Variants in KCNMB2 observed in about 807,000 individuals in gnomAD.
KCNMB2 encodes calcium-activated potassium channel subunit beta-2.
In KCNMB2, 9 loss-of-function variants were observed where a neutral mutation model predicts 24.5. The observed-to-expected ratio is 0.37, with a 90% confidence interval of 0.22 to 0.64. KCNMB2 has a LOEUF of 0.64. Ranked by LOEUF, KCNMB2 falls within the 30% of genes least tolerant of loss-of-function variation. The probability of loss-of-function intolerance (pLI) is 0.63; values close to 1 mark genes in which losing one functional copy is unlikely to be tolerated. For missense variants in KCNMB2, 226 were observed against 284.3 expected (o/e 0.79, Z 1.47); for synonymous variants, 109 against 104.4 (o/e 1.04, Z -0.27).
chr3:178,805,695 C>G (rs959324588), intron 1 of KCNMB2, among the ~76,000 whole-genome samples: 4 of 151,936 alleles, frequency 2.6e-5, no homozygotes, highest in African/African-American at 9.7e-5. Context: ...AGTGACACAA[C>G]CACGGCTCAC....
At chr3:178,546,340 A>C (rs2108450314) in intron 1 of KCNMB2, among the ~76,000 whole-genome samples, 1 of 152,378 alleles carries the variant, frequency 6.6e-6, no homozygotes, top group South Asian at 2.1e-4. Flanking sequence ...GCTCTGATTT[A>C]CATGCCTAAA....
intron 1 of KCNMB2, among the ~76,000 whole-genome samples, chr3:178,735,301 G>A (rs1723281165): frequency 6.6e-6 from 1 of 151,882 alleles, no homozygotes; most frequent in African/African-American, 2.4e-5. Context: ...CTGGATCACA[G>A]TTCTCAAAAC....
At chr3:178,578,586 A>T (rs1420896252) in intron 1 of KCNMB2, among the ~76,000 whole-genome samples, 1 of 152,200 alleles carries the variant, frequency 6.6e-6, no homozygotes, top group Non-Finnish European at 1.5e-5. Context: ...AGACTGGCAA[A>T]TTGGATAAAA....
In KCNMB2 at chr3:178,793,777, G is replaced by A. The variant is rs1381910728; in HGVS notation, c.-67-13566G>A. ...CTACCTCATCTCTGAACACCAGCAG[G>A]TGACTCTTCCCATGCAGATGACAGC... On this transcript the variant is annotated intron_variant, in intron 1 of 4. Transcript: ENST00000452583. Among the ~76,000 whole-genome samples the A allele has an allele frequency of 2.0e-5, 3 of 152,262 alleles. No homozygotes were observed. The East Asian group carries it at 5.8e-4, about 29-fold the overall frequency.
intron 1 of KCNMB2, among the ~76,000 whole-genome samples, chr3:178,606,955 C>T (rs1185932831): frequency 6.6e-6 from 1 of 152,184 alleles, no homozygotes; most frequent in Non-Finnish European, 1.5e-5. Flanking sequence ...TAAGTAGTCC[C>T]TCACTAGACA....
At chr3:178,647,991 T>C (rs35178968) in intron 1 of KCNMB2, among the ~76,000 whole-genome samples, 1 of 152,002 alleles carries the variant, frequency 6.6e-6, no homozygotes, top group Non-Finnish European at 1.5e-5. Context: ...GTACATATTG[T>C]CTTTTCTTTT....
intron 1 of KCNMB2, among the ~76,000 whole-genome samples, chr3:178,609,518 C>T (rs767652937): frequency 2.6e-5 from 4 of 152,018 alleles, no homozygotes; most frequent in Non-Finnish European, 5.9e-5. Context: ...CTTTGGTTGC[C>T]TGTGCTTGTA....
At chr3:178,764,845 G>A (rs1712050513) in intron 1 of KCNMB2, among the ~76,000 whole-genome samples, 1 of 152,232 alleles carries the variant, frequency 6.6e-6, no homozygotes, top group Admixed American at 6.5e-5. Context: ...TCCTGGCCCA[G>A]AGCATTGTGT....
chr3:178,758,561 G>GATATAT (rs754815380), intron 1 of KCNMB2, among the ~76,000 whole-genome samples: 466 of 16,964 alleles, frequency 0.027, 60 homozygotes, highest in African/African-American at 0.073. Context: ...TCCAAGAGGA[G>GATATAT]ATATATATAT....
At chr3:178,795,074 A>G (rs1476849527) in intron 1 of KCNMB2, 2 of 152,186 alleles carry the variant, frequency 1.3e-5, no homozygotes, top group African/African-American at 4.8e-5. Context: ...ATTTGATGTT[A>G]AAAAAATCCT....
At chr3:178,831,315 G>T (rs1715049765) in intron 4 of KCNMB2, among the ~76,000 whole-genome samples, 1 of 152,098 alleles carries the variant, frequency 6.6e-6, no homozygotes, top group African/African-American at 2.4e-5. Flanking sequence ...ACTTTTGGTG[G>T]GAAAGTAAAC....
At chr3:178,647,949 A>T (rs865870405) in intron 1 of KCNMB2, among the ~76,000 whole-genome samples, 1 of 152,080 alleles carries the variant, frequency 6.6e-6, no homozygotes, top group Non-Finnish European at 1.5e-5. Flanking sequence ...TTTTGATATA[A>T]TTATATATAA....
chr3:178,740,875 G>T (rs189691754), intron 1 of KCNMB2, among the ~76,000 whole-genome samples: 12 of 152,266 alleles, frequency 7.9e-5, no homozygotes, highest in Non-Finnish European at 1.6e-4. Flanking sequence ...TTACAGAAGA[G>T]AACTCACAGG....
chr3:178,746,969 C>A (rs1723689793), intron 1 of KCNMB2: 1 of 152,712 alleles, frequency 6.5e-6, no homozygotes, highest in South Asian at 2.1e-4. Flanking sequence ...CTGAATCCTC[C>A]AAACTGTTCC....
intron 1 of KCNMB2, among the ~76,000 whole-genome samples, chr3:178,784,715 A>AT (rs137935355): frequency 0.14 from 21,290 of 151,692 alleles, 1,814 homozygotes; most frequent in Non-Finnish European, 0.18. Context: ...CTGTTAACTG[A>AT]TTTTTTTAAA....
chr3:178,678,063 C>T (rs1047231192), intron 1 of KCNMB2, among the ~76,000 whole-genome samples: 2 of 152,188 alleles, frequency 1.3e-5, no homozygotes, highest in Middle Eastern at 3.2e-3. Context: ...CACCAGTGGT[C>T]TCTAATTAGG....
chr3:178,612,351 G>A (rs1001693210), intron 1 of KCNMB2, among the ~76,000 whole-genome samples: 1 of 152,130 alleles, frequency 6.6e-6, no homozygotes, highest in Non-Finnish European at 1.5e-5. Flanking sequence ...GGGTGTTGAA[G>A]TCCCCAGCTA....
At chr3:178,579,853 A>C (rs1195305578) in intron 1 of KCNMB2, among the ~76,000 whole-genome samples, 2 of 152,200 alleles carry the variant, frequency 1.3e-5, no homozygotes, top group Non-Finnish European at 2.9e-5. Flanking sequence ...TACCAATAAC[A>C]AGTTCTGAAA....
At chr3:178,549,826 A>G (rs1322089327) in intron 1 of KCNMB2, among the ~76,000 whole-genome samples, 3 of 152,132 alleles carry the variant, frequency 2.0e-5, no homozygotes, top group African/African-American at 2.4e-5. Context: ...CTTTACCTAG[A>G]GTTTATCTAA....
Sources: gnomAD v4.1 joint callset for allele counts (sites outside exome capture counted in the v4.1 genomes callset) on GRCh38, gnomAD v4.1.1 for gene constraint, MANE v1.5 for transcripts, NCBI Gene and HGNC (gene_info 2026-07-23, HGNC 2026-07-21) for gene names.